The following BRD2 variants were observed in gnomAD, a reference collection of about 807,000 sequenced individuals.
BRD2 encodes bromodomain-containing protein 2.
In BRD2, 15 loss-of-function variants were observed where a neutral mutation model predicts 79.1. The ratio of observed to expected loss-of-function variants is 0.19; its 90% CI spans 0.13 to 0.29. The LOEUF (loss-of-function observed/expected upper bound fraction) is 0.29, where lower values mean the gene tolerates loss of function less well. BRD2 is among the 10% of genes least tolerant of loss of function. The pLI is 1.00. For synonymous variants in BRD2, 488 were observed against 358.6 expected (o/e 1.36, Z -4.08); for missense variants, 1,053 against 991.3 (o/e 1.06, Z -0.84).
rs373288735 is a variant in BRD2 at position 32,977,435 on chromosome 6, T to C, written c.1201-7T>C. The C allele has an allele frequency of 5.5e-5, 89 of 1,613,708 alleles. No individual in the cohort carries two copies. The highest frequency in any genetic ancestry group is 1.2e-4 in the African/African-American group (9 of 74,916). ...TGTGCAGCTTCTGATGCTGCCTCCT[T>C]CTGCAGCGGAAGATGGAGAACCGTG... On this transcript the variant is annotated splice_region_variant and splice_polypyrimidine_tract_variant and intron_variant, in intron 7 of 12. Coordinates refer to ENST00000374825, the MANE Select transcript of BRD2 (RefSeq NM_005104.4).
Position 32,972,387 on chromosome 6 carries a change from T to C in BRD2, c.-512T>C. On this transcript the variant is annotated 5_prime_UTR_variant, in exon 2 of 13. Coordinates refer to ENST00000374825, the MANE Select transcript of BRD2 (RefSeq NM_005104.4). ...CCCCTAGAAGCCCCTGGAGCTCCCC[T>C]TTTTCGGGCCCCGCCCAATCCTCGG... 3.5e-6 allele frequency: 1 copy of C among 289,338 alleles called. No individual in the cohort carries two copies. Among genetic ancestry groups the C allele is most frequent in the South Asian group, 3.4e-5 (1 of 29,538 alleles). The allele number at this position is 289,338 out of a possible 1,614,324, so 17.9% of individuals were successfully genotyped here.
At chr6:32,969,448 A>C (rs1777753631) in intron 1 of BRD2, 1 of 689,090 alleles carries the variant, frequency 1.5e-6, no homozygotes, top group Non-Finnish European at 2.7e-6. Context: ...TGAATGCTTT[A>C]GGAGTTGGCC....
chr6:32,972,815 G>A lies in BRD2; in HGVS notation c.-84G>A. ...GAACGGCCTCCCCCCAACTTAGCGGGTTATGCTGGACCGGGCGGTGAGGGG... is the reference window on the plus strand; with the variant it reads ...GAACGGCCTCCCCCCAACTTAGCGGATTATGCTGGACCGGGCGGTGAGGGG... On this transcript the variant is annotated 5_prime_UTR_variant, in exon 2 of 13. Coordinates refer to ENST00000374825, the MANE Select transcript of BRD2 (RefSeq NM_005104.4). 1 of 1,604,256 alleles carries A rather than the reference G, an allele frequency of 6.2e-7. No homozygotes were observed. The highest frequency in any genetic ancestry group is 1.1e-5 in the South Asian group (1 of 90,934).
chr6:32,975,149 G>A (rs1778554916), intron 3 of BRD2: 1 of 1,488,418 alleles, frequency 6.7e-7, no homozygotes, highest in Admixed American at 2.0e-5. Context: ...AGAGTGGGTG[G>A]GAGGTGGGTG....
At chr6:32,974,375 C>T in intron 2 of BRD2, 87 bp from the exon 3 acceptor site, 1 of 1,382,224 alleles carries the variant, frequency 7.2e-7, no homozygotes, top group South Asian at 1.3e-5. Flanking sequence ...TCACTAGGGC[C>T]AGCACCTGGA....
chr6:32,972,723 G>A lies in BRD2; in HGVS notation c.-176G>A. The stretch of plus-strand genomic sequence containing the variant: ...CGCGCCAAGCTGCCCGGAGCTCTCC[G>A]AGAGGCCCCAAAGAGACTGCTTTCG... On this transcript the variant is annotated 5_prime_UTR_variant, in exon 2 of 13. Coordinates refer to ENST00000374825, the MANE Select transcript of BRD2 (RefSeq NM_005104.4). 1 of 915,458 alleles carries A rather than the reference G, an allele frequency of 1.1e-6. No homozygotes were observed. Among genetic ancestry groups the A allele is most frequent in the Admixed American group, 2.4e-5 (1 of 41,202 alleles). The allele number at this position is 915,458 out of a possible 1,614,324, so 56.7% of individuals were successfully genotyped here.
In BRD2 at chr6:32,980,456, C is replaced by T. The variant is rs753696095; in HGVS notation, c.2261C>T (p.Pro754Leu). The T allele has an allele frequency of 6.2e-7, 1 of 1,612,878 alleles. No homozygotes were observed. Among genetic ancestry groups the T allele is most frequent in the Admixed American group, 1.7e-5 (1 of 59,984 alleles). The change falls in exon 12 of 13, where the codon CCC (proline) becomes CTC (leucine). Residue 754 changes from proline (P) to leucine (L), a missense_variant. By Grantham distance (98) the Pro-to-Leu change is moderately conservative. Coordinates refer to ENST00000374825, the MANE Select transcript of BRD2 (RefSeq NM_005104.4). ...SGQLNSTKKP[P>L]KKANEKTESS... ...CAGCTCAATTCTACTAAAAAGCCCC[C>T]CAAGAAAGGTGAGTATATACTTTCA...
At chr6:32,973,738 G>C (rs1778344861) in intron 2 of BRD2, among the ~76,000 whole-genome samples, 1 of 152,146 alleles carries the variant, frequency 6.6e-6, no homozygotes, top group Non-Finnish European at 1.5e-5. Context: ...GCTATCACTT[G>C]GTGACCTTGA....
In BRD2 at chr6:32,978,244, G is replaced by A. The variant is rs146321913; in HGVS notation, c.1697G>A (p.Arg566Gln). 6.2e-5 allele frequency: 100 copies of A among 1,612,928 alleles called. No individual in the cohort carries two copies. Among genetic ancestry groups the A allele is most frequent in the Middle Eastern group, 3.3e-4 (2 of 6,080 alleles). ...CGGAAGGCAGAGAAGCATCGAGGCC[G>A]AGCTGGGGCCGATGAAGATGACAAG... is the stretch of plus-strand genomic sequence containing the variant. ...KKRKAEKHRGRAGADEDDKGP... is the reference protein window; with the variant it reads ...KKRKAEKHRGQAGADEDDKGP... Residue 566 changes from arginine to glutamine, a missense_variant, in exon 10 of 13, where the codon CGA becomes CAA. By Grantham distance (43) the Arg-to-Gln change is conservative. This residue lies in a region of BRD2 where 454 missense variants were observed against 430.5 expected (regional missense o/e 1.05). Transcript: ENST00000374825.
Position 32,972,863 on chromosome 6 carries a change from C to T in BRD2, c.-36C>T, listed in dbSNP as rs748307554. 5.0e-6 allele frequency: 8 copies of T among 1,613,902 alleles called. No homozygotes were observed. The highest frequency in any genetic ancestry group is 6.8e-6 in the Non-Finnish European group (8 of 1,179,970). On this transcript the variant is annotated 5_prime_UTR_variant, in exon 2 of 13. Coordinates refer to ENST00000374825, the MANE Select transcript of BRD2 (RefSeq NM_005104.4). The stretch of plus-strand genomic sequence containing the variant: ...GGGAACCGAGGCCACCCGGACTTTC[C>T]GCGGCTGAGGGCAGCGCCGGTTCCT...
Position 32,976,265 on chromosome 6 carries a change from T to A in BRD2, c.626T>A (p.Val209Asp). Residue 209 changes from valine to aspartate, a missense_variant, in exon 6 of 13, where the codon GTT (valine) becomes GAT (aspartate). Physicochemically the swap from Val to Asp is radical, Grantham distance 152. Around this residue, in one of 5 missense-constraint regions of BRD2, gnomAD observed 413 missense variants for 335.1 expected, o/e 1.23. Transcript: ENST00000374825. ...TTTTTTCTAGCGCTCCAGGGCAGTG[T>A]TACCAGTGCCCATCAGGTGCCTGCC... ...GAKLAALQGS[V>D]TSAHQVPAVS... The A allele has an allele frequency of 6.2e-7, 1 of 1,612,994 alleles. No homozygotes were observed. The highest frequency in any genetic ancestry group is 8.5e-7 in the Non-Finnish European group (1 of 1,179,992).
intron 12 of BRD2, 32 bp from the exon 13 acceptor site, chr6:32,980,550 G>T: frequency 1.2e-6 from 2 of 1,612,726 alleles, no homozygotes; most frequent in Non-Finnish European, 1.7e-6. Flanking sequence ...ATTCAGACTT[G>T]AACGTCTTTA....
Position 32,972,931 on chromosome 6 carries a change from C to A in BRD2, c.29+4C>A. On this transcript the variant is annotated splice_donor_region_variant and intron_variant, in intron 2 of 12. Coordinates refer to ENST00000374825, the MANE Select transcript of BRD2 (RefSeq NM_005104.4). The stretch of plus-strand genomic sequence containing the variant: ...AAAACGTGACTCCCCACAATAAGTA[C>A]GTTTCCGCGAGCCGCGTGTGGGAAG... The A allele has an allele frequency of 6.2e-7, 1 of 1,614,070 alleles. No individual in the cohort carries two copies.
intron 4 of BRD2, 122 bp from the exon 5 acceptor site, chr6:32,975,909 A>T: frequency 8.7e-7 from 1 of 1,154,478 alleles, no homozygotes; most frequent in South Asian, 1.7e-5. Flanking sequence ...AGATTTGATG[A>T]CAAGATGACT....
In BRD2 at chr6:32,978,133, C is replaced by T. The variant is rs2127521380; in HGVS notation, c.1586C>T (p.Ala529Val). The change falls in exon 10 of 13, where the codon GCA becomes GTA. Residue 529 changes from alanine to valine, a missense_variant. Physicochemically the swap from Ala to Val is moderately conservative, Grantham distance 64 (BLOSUM62 0). Around this residue, in one of 5 missense-constraint regions of BRD2, gnomAD observed 454 missense variants for 430.5 expected, o/e 1.05. Transcript: ENST00000374825. Reference protein sequence around the residue: ...RLAELQEQLRAVHEQLAALSQ... With the variant: ...RLAELQEQLRVVHEQLAALSQ... ...ATGTTTTTTTTCCTTTAGCTTCGGG[C>T]AGTACATGAACAACTGGCTGCTCTG... 1 of 1,608,100 alleles carries T rather than the reference C, an allele frequency of 6.2e-7. No homozygotes were observed. The highest frequency in any genetic ancestry group is 8.5e-7 in the Non-Finnish European group (1 of 1,178,540).
chr6:32,974,486 G>T lies in BRD2; in HGVS notation c.54G>T (p.Gly18=). 1.2e-6 allele frequency: 2 copies of T among 1,612,470 alleles called. No homozygotes were observed. Among genetic ancestry groups the T allele is most frequent in the Non-Finnish European group, 1.7e-6 (2 of 1,178,540 alleles). The part of the protein sequence containing the change: ...HNKLPGEGNA[G]LLGLGPEAAA... ...GGCTCCCTGGGGAAGGGAATGCAGG[G>T]TTGCTGGGGCTGGGCCCAGAAGCAG... Residue 18 remains glycine, a synonymous_variant, in exon 3 of 13, where the codon GGG becomes GGT. Coordinates refer to ENST00000374825, the MANE Select transcript of BRD2 (RefSeq NM_005104.4).
intron 11 of BRD2, 85 bp downstream of exon 11, chr6:32,980,217 C>T (rs1779338620): frequency 6.4e-7 from 1 of 1,571,968 alleles, no homozygotes; most frequent in Admixed American, 1.8e-5. Context: ...GGATTGTCAG[C>T]TCCCAGGATA....
At chr6:32,974,417 C>T (rs766780535) in intron 2 of BRD2, 45 bp from the exon 3 acceptor site, 17 of 1,563,144 alleles carry the variant, frequency 1.1e-5, no homozygotes, top group Admixed American at 3.6e-5. Context: ...TGCACTTTTT[C>T]CTCATTTGGA....
Position 32,977,485 on chromosome 6 carries a change from C to G in BRD2, c.1244C>G (p.Ala415Gly), listed in dbSNP as rs749818229. 3.7e-6 allele frequency: 6 copies of G among 1,614,086 alleles called. No individual in the cohort carries two copies. The highest frequency in any genetic ancestry group is 5.1e-6 in the Non-Finnish European group (6 of 1,180,046). ...GATTACCGGGATGCACAGGAGTTTG[C>G]TGCTGATGTACGGCTTATGTTCTCC... ...NRDYRDAQEF[A>G]ADVRLMFSNC... The change falls in exon 8 of 13, where the codon GCT becomes GGT. Residue 415 changes from alanine to glycine, a missense_variant. Coordinates refer to ENST00000374825, the MANE Select transcript of BRD2 (RefSeq NM_005104.4).
Sources: gnomAD v4.1 joint callset for allele counts (sites outside exome capture counted in the v4.1 genomes callset) on GRCh38, gnomAD v4.1.1 for gene constraint, gnomAD v4.1.1 regional missense constraint, MANE v1.5 for transcripts, NCBI Gene and HGNC (gene_info 2026-07-23, HGNC 2026-07-21) for gene names.